ADAP2: variants seen among roughly 807,000 people sequenced by gnomAD.
The protein encoded by ADAP2 is arf-GAP with dual PH domain-containing protein 2.
Under a neutral mutation model 54.9 loss-of-function variants are expected in ADAP2, and 42 were observed. The observed-to-expected ratio is 0.77, with a 90% CI of 0.60 to 0.99. The LOEUF (loss-of-function observed/expected upper bound fraction) is 0.99, where lower values mean the gene tolerates loss of function less well. ADAP2 is among the 50% of genes least tolerant of loss of function. ADAP2 has a pLI of 0.00. For missense variants in ADAP2, 429 were observed against 480.4 expected (o/e 0.89, Z 1.00); for synonymous variants, 177 against 180.1 (o/e 0.98, Z 0.14).
At chr17:30,949,519 C>T (rs1049716764) in intron 7 of ADAP2, 149 bp downstream of exon 7, 13 of 639,182 alleles carry the variant, frequency 2.0e-5, no homozygotes, top group South Asian at 7.0e-5. Flanking sequence ...GAGGCTGAGG[C>T]GGGCGGATCA....
chr17:30,954,681 G>T, intron 9 of ADAP2, 126 bp downstream of exon 9: 1 of 748,988 alleles, frequency 1.3e-6, no homozygotes. Context: ...GAAACCTTGA[G>T]AGGAAAACCT....
intron 1 of ADAP2, 42 bp from the exon 2 acceptor site, chr17:30,922,898 C>T: frequency 1.9e-6 from 3 of 1,602,028 alleles, no homozygotes; most frequent in African/African-American, 2.7e-5. Context: ...GTTTCTTCAC[C>T]GCGCTTTCCG....
intron 5 of ADAP2, among the ~76,000 whole-genome samples, chr17:30,937,000 C>T (rs146381553): frequency 6.6e-6 from 1 of 152,124 alleles, no homozygotes; most frequent in African/African-American, 2.4e-5. Context: ...GTGATCTCGG[C>T]TCACTGCAAC....
In ADAP2 at chr17:30,955,581, C is replaced by T. The variant is rs368739482; in HGVS notation, c.883-660C>T. On this transcript the variant is annotated intron_variant, in intron 9 of 10. Transcript: ENST00000330889. Reference sequence around the variant, plus strand: ...AATTAGCCGGACGTGGTGGTGCGTGCCTGTAAGCCCAGCTACTCAGGAGGC... The same window carrying T: ...AATTAGCCGGACGTGGTGGTGCGTGTCTGTAAGCCCAGCTACTCAGGAGGC... Among the ~76,000 whole-genome samples, 42 of 151,830 alleles carry T rather than the reference C, an allele frequency of 2.8e-4. No homozygotes were observed. The South Asian group carries it at 8.6e-3, about 31-fold the overall frequency.
At chr17:30,924,896 G>A (rs866423269) in intron 2 of ADAP2, among the ~76,000 whole-genome samples, 54 of 149,678 alleles carry the variant, frequency 3.6e-4, no homozygotes, top group Middle Eastern at 3.4e-3. Context: ...TTTTGAGACG[G>A]AGTTTCACTC....
chr17:30,929,503 C>T (rs973411233), intron 3 of ADAP2, among the ~76,000 whole-genome samples: 2 of 152,130 alleles, frequency 1.3e-5, no homozygotes, highest in Non-Finnish European at 2.9e-5. Context: ...CAGCAGCAGC[C>T]CTGCACTTTA....
intron 3 of ADAP2, among the ~76,000 whole-genome samples, chr17:30,927,627 A>T (rs567048001): frequency 4.0e-5 from 6 of 148,974 alleles, no homozygotes; most frequent in Admixed American, 3.3e-4. Flanking sequence ...AAAAAAAAAA[A>T]AATAAAAGAT....
chr17:30,927,577 T>G (rs1911151786), intron 3 of ADAP2, among the ~76,000 whole-genome samples: 1 of 148,690 alleles, frequency 6.7e-6, no homozygotes, highest in Admixed American at 6.7e-5. Context: ...ATGGCGCCAC[T>G]GCACTCCAGC....
At chr17:30,934,341 C>A (rs558855059) in intron 5 of ADAP2, 44 bp downstream of exon 5, 1 of 1,329,250 alleles carries the variant, frequency 7.5e-7, no homozygotes. Flanking sequence ...CCTGAGCACT[C>A]TCACCCGACT....
intron 10 of ADAP2, among the ~76,000 whole-genome samples, chr17:30,957,578 A>G (rs1176898105): frequency 6.6e-6 from 1 of 151,752 alleles, no homozygotes; most frequent in African/African-American, 2.4e-5. Flanking sequence ...CAGGCTCGTG[A>G]CACCACATCT....
At chr17:30,923,639 T>C (rs1261946115) in intron 2 of ADAP2, among the ~76,000 whole-genome samples, 1 of 151,674 alleles carries the variant, frequency 6.6e-6, no homozygotes, top group Admixed American at 6.6e-5. Flanking sequence ...GACCCTCAGT[T>C]TCCACATCTG....
intron 3 of ADAP2, among the ~76,000 whole-genome samples, chr17:30,929,396 C>T (rs1911314169): frequency 6.6e-6 from 1 of 152,200 alleles, no homozygotes; most frequent in Admixed American, 6.5e-5. Flanking sequence ...TCCTGGCTCG[C>T]TGCTGCCACT....
chr17:30,955,714 G>T (rs994612357), intron 9 of ADAP2, among the ~76,000 whole-genome samples: 2 of 147,916 alleles, frequency 1.4e-5, no homozygotes, highest in East Asian at 4.0e-4. Context: ...AAAAAAAAAA[G>T]AAAGAAAAAA....
intron 5 of ADAP2, among the ~76,000 whole-genome samples, chr17:30,936,454 C>T (rs754975084): frequency 4.6e-5 from 7 of 152,156 alleles, no homozygotes; most frequent in East Asian, 1.9e-4. Flanking sequence ...TGAGCCACTA[C>T]GCCAGGCCCA....
At chr17:30,922,901 G>A (rs1312555887) in intron 1 of ADAP2, 39 bp from the exon 2 acceptor site, 20 of 1,602,410 alleles carry the variant, frequency 1.2e-5, no homozygotes, top group East Asian at 2.3e-5. Context: ...TCTTCACCGC[G>A]CTTTCCGCTC....
chr17:30,940,644 T>A (rs1408708305), intron 5 of ADAP2, among the ~76,000 whole-genome samples: 1 of 152,072 alleles, frequency 6.6e-6, no homozygotes, highest in Non-Finnish European at 1.5e-5. Flanking sequence ...CAAAAAGAAG[T>A]TAGAAGGAGC....
rs766262485 is a variant in ADAP2 at position 30,956,368 on chromosome 17, G to C, written c.1010G>C (p.Arg337Pro). 6.2e-7 allele frequency: 1 copy of C among 1,614,218 alleles called. No individual in the cohort carries two copies. Residue 337 changes from arginine to proline, a missense_variant, in exon 10 of 11, where the codon CGG (arginine) becomes CCG (proline). Coordinates refer to ENST00000330889, the MANE Select transcript of ADAP2 (RefSeq NM_018404.3). ...KAGLTIVTPE[R>P]RFVLTCPSEK... ...GGACTCACCATTGTCACCCCAGAGCGGAGATTTGTCCTCACTTGCCCCAGT... is the reference window on the plus strand; with the variant it reads ...GGACTCACCATTGTCACCCCAGAGCCGAGATTTGTCCTCACTTGCCCCAGT...
At chr17:30,933,346 C>A (rs1911635953) in intron 4 of ADAP2, among the ~76,000 whole-genome samples, 1 of 151,924 alleles carries the variant, frequency 6.6e-6, no homozygotes, top group Admixed American at 6.6e-5. Flanking sequence ...CACAACCACA[C>A]CTGGCTAATG....
rs377277175 is a variant in ADAP2 at position 30,931,282 on chromosome 17, A to G, written c.318-607A>G. Reference sequence around the variant, plus strand: ...GCCCACTGGGAGAAATATTTCCCCCAGAGGACATTTGGCAATGCCTGAAGA... The same window carrying G: ...GCCCACTGGGAGAAATATTTCCCCCGGAGGACATTTGGCAATGCCTGAAGA... On this transcript the variant is annotated intron_variant, in intron 3 of 10. Transcript: ENST00000330889. 7.2e-5 allele frequency among the ~76,000 whole-genome samples: 11 copies of G among 152,284 alleles called. No individual in the cohort carries two copies. In the East Asian group the frequency reaches 2.1e-3, roughly 29 times the overall value.
Sources: gnomAD v4.1 joint callset for allele counts (sites outside exome capture counted in the v4.1 genomes callset) on GRCh38, gnomAD v4.1.1 for gene constraint, MANE v1.5 for transcripts, NCBI Gene and HGNC (gene_info 2026-07-23, HGNC 2026-07-21) for gene names.